SHISA6: variants seen among roughly 807,000 people sequenced by gnomAD.
SHISA6 encodes shisa family member 6.
In SHISA6, 22 loss-of-function variants were observed where a neutral mutation model predicts 47.9. The ratio of observed to expected loss-of-function variants is 0.46; its 90% CI spans 0.33 to 0.66. The LOEUF (loss-of-function observed/expected upper bound fraction) is 0.66, where lower values mean the gene tolerates loss of function less well. SHISA6 is among the 30% of genes least tolerant of loss of function. The pLI is 0.02. For synonymous variants in SHISA6, 388 were observed against 337.8 expected (o/e 1.15, Z -1.63); for missense variants, 680 against 764.6 (o/e 0.89, Z 1.30).
intron 3 of SHISA6, among the ~76,000 whole-genome samples, chr17:11,511,818 A>G (rs1372848600): frequency 1.3e-5 from 2 of 152,214 alleles, no homozygotes; most frequent in African/African-American, 4.8e-5. Flanking sequence ...TGCATTAGAG[A>G]AGACAGTAAT....
At chr17:11,299,098 C>A (rs1180781203) in intron 2 of SHISA6, among the ~76,000 whole-genome samples, 1 of 152,198 alleles carries the variant, frequency 6.6e-6, no homozygotes. Context: ...GTCCCTTTCA[C>A]AAATAAAAGA....
chr17:11,540,964 TCAGA>T (rs1336386334), intron 3 of SHISA6, among the ~76,000 whole-genome samples: 2 of 152,228 alleles, frequency 1.3e-5, no homozygotes, highest in Non-Finnish European at 2.9e-5. Flanking sequence ...ATGGAAGCTT[TCAGA>T]CAATGACGCA....
At chr17:11,328,981 T>G (rs1911009286) in intron 2 of SHISA6, among the ~76,000 whole-genome samples, 1 of 152,174 alleles carries the variant, frequency 6.6e-6, no homozygotes, top group South Asian at 2.1e-4. Flanking sequence ...ACGATGGTGA[T>G]GATGATAACA....
chr17:11,253,768 ACTCT>A (rs900645977), intron 1 of SHISA6, among the ~76,000 whole-genome samples: 2 of 151,570 alleles, frequency 1.3e-5, no homozygotes, highest in Non-Finnish European at 2.9e-5. Flanking sequence ...TTAGAATCCA[ACTCT>A]CTCTCTTTCG....
chr17:11,283,655 A>G (rs758095636), intron 2 of SHISA6, among the ~76,000 whole-genome samples: 10 of 152,236 alleles, frequency 6.6e-5, no homozygotes, highest in Non-Finnish European at 1.2e-4. Context: ...TGAACTCAGT[A>G]AATATTTTCT....
intron 2 of SHISA6, among the ~76,000 whole-genome samples, chr17:11,365,330 T>A (rs1912413217): frequency 6.6e-6 from 1 of 152,118 alleles, no homozygotes; most frequent in Non-Finnish European, 1.5e-5. Context: ...CAGGCTGGAG[T>A]GCAGTGGCAC....
intron 3 of SHISA6, among the ~76,000 whole-genome samples, chr17:11,426,710 T>C (rs970892385): frequency 2.2e-4 from 33 of 152,244 alleles, no homozygotes; most frequent in African/African-American, 7.7e-4. Flanking sequence ...AGAGATTTTT[T>C]ACATGATCAA....
At position 11,382,977 on chromosome 17, in the gene SHISA6, C is replaced by T. The variant is rs1913070498; in HGVS notation, c.895+3468C>T. On this transcript the variant is annotated intron_variant, in intron 3 of 5. Coordinates refer to ENST00000441885, the MANE Select transcript of SHISA6 (RefSeq NM_207386.4). The stretch of plus-strand genomic sequence containing the variant: ...TTTGAGACGGAGTCTCACTCTGCCA[C>T]CTAAGGCTGGAGTGCAGTGGCACGA... 3.3e-5 allele frequency among the ~76,000 whole-genome samples: 4 copies of T among 121,222 alleles called. No individual in the cohort carries two copies. In the South Asian group the frequency reaches 1.1e-3, roughly 32 times the overall value. 79.5% of individuals were successfully genotyped at this position (121,222 alleles called of 152,430 possible).
At chr17:11,309,521 C>T (rs1187756875) in intron 2 of SHISA6, among the ~76,000 whole-genome samples, 1 of 152,180 alleles carries the variant, frequency 6.6e-6, no homozygotes, top group East Asian at 1.9e-4. Flanking sequence ...CCCTGCTTTT[C>T]CTTTTTTGTT....
rs956420861 is a variant in SHISA6 at position 11,500,309 on chromosome 17, T to C, written c.896-51587T>C. On this transcript the variant is annotated intron_variant, in intron 3 of 5. Coordinates refer to ENST00000441885, the MANE Select transcript of SHISA6 (RefSeq NM_207386.4). ...CAGCGTCGTGGTGCCCCAGAATGTT[T>C]AGAGATGGAAGCCAGATTATGAGGT... Among the ~76,000 whole-genome samples the C allele has an allele frequency of 2.0e-5, 3 of 152,072 alleles. No individual in the cohort carries two copies. The East Asian group carries it at 5.8e-4, about 29-fold the overall frequency.
chr17:11,408,405 G>T (rs897645204), intron 3 of SHISA6, among the ~76,000 whole-genome samples: 1 of 152,202 alleles, frequency 6.6e-6, no homozygotes, highest in Non-Finnish European at 1.5e-5. Flanking sequence ...GATCAGCAGT[G>T]TGTGTTTTAA....
intron 2 of SHISA6, among the ~76,000 whole-genome samples, chr17:11,336,691 C>T (rs1911334213): frequency 6.6e-6 from 1 of 152,206 alleles, no homozygotes; most frequent in African/African-American, 2.4e-5. Flanking sequence ...CCAGCAAAGC[C>T]TTTCCCTGGC....
chr17:11,493,861 C>T (rs777835590), intron 3 of SHISA6, among the ~76,000 whole-genome samples: 2 of 152,086 alleles, frequency 1.3e-5, no homozygotes, highest in Non-Finnish European at 2.9e-5. Flanking sequence ...AATTTGTACA[C>T]GCACAAAGTC....
At chr17:11,294,280 A>G (rs775635149) in intron 2 of SHISA6, among the ~76,000 whole-genome samples, 1 of 152,086 alleles carries the variant, frequency 6.6e-6, no homozygotes, top group African/African-American at 2.4e-5. Flanking sequence ...TACAGTCTTC[A>G]CTCTTCCATA....
At chr17:11,394,354 T>C (rs1203137788) in intron 3 of SHISA6, among the ~76,000 whole-genome samples, 1 of 152,204 alleles carries the variant, frequency 6.6e-6, no homozygotes, top group Non-Finnish European at 1.5e-5. Context: ...ATATTTTTCA[T>C]TTCTAATATT....
chr17:11,539,273 T>C (rs572498091), intron 3 of SHISA6, among the ~76,000 whole-genome samples: 2 of 152,332 alleles, frequency 1.3e-5, no homozygotes, highest in African/African-American at 2.4e-5. Flanking sequence ...CAGGATCCCA[T>C]TGATCCAGCC....
At position 11,243,724 on chromosome 17, in the gene SHISA6, C is replaced by G. The variant is rs113676912; in HGVS notation, c.638+1664C>G. 4.7e-3 allele frequency among the ~76,000 whole-genome samples: 715 copies of G among 152,336 alleles called. 7 individuals are homozygous for G. The highest frequency in any genetic ancestry group is 0.016 in the African/African-American group (667 of 41,580). ...AGCAGATGTGCTGGTCCTTATCATC[C>G]TTACACCTCTGCCTCAAGACTTGGA... On this transcript the variant is annotated intron_variant, in intron 1 of 5. Coordinates refer to ENST00000441885, the MANE Select transcript of SHISA6 (RefSeq NM_207386.4).
chr17:11,499,698 T>TTTTG (rs199678843), intron 3 of SHISA6, among the ~76,000 whole-genome samples: 2 of 146,520 alleles, frequency 1.4e-5, no homozygotes, highest in Admixed American at 6.7e-5. Context: ...TTTTTTTTTT[T>TTTTG]TTGTTGTTGT....
rs2071517824 is a variant in SHISA6, at chr17:11,508,384, T to G, written c.896-43512T>G. 2.3e-5 allele frequency among the ~76,000 whole-genome samples: 2 copies of G among 88,586 alleles called. 1 individual carries two copies. The highest frequency in any genetic ancestry group is 2.1e-4 in the Admixed American group (2 of 9,520). 58.1% of individuals were successfully genotyped at this position (88,586 alleles called of 152,430 possible). The stretch of plus-strand genomic sequence containing the variant: ...AGGGACAACTCCAATGTCAAGCCCC[T>G]TTATAAAGGCACCTAGCCCCATTCA... On this transcript the variant is annotated intron_variant, in intron 3 of 5. Coordinates refer to ENST00000441885, the MANE Select transcript of SHISA6 (RefSeq NM_207386.4).
Sources: allele counts gnomAD v4.1 joint callset (sites outside exome capture counted in the v4.1 genomes callset), GRCh38; gene constraint gnomAD v4.1.1; transcripts MANE v1.5; gene names NCBI Gene and HGNC (gene_info 2026-07-23, HGNC 2026-07-21).